The following MRPL1 variants were observed in gnomAD, a reference collection of about 807,000 sequenced individuals.
MRPL1 encodes mitochondrial ribosomal protein L1, also known as large ribosomal subunit protein uL1m.
A neutral mutation model predicts 38.0 loss-of-function variants in MRPL1; 28 were observed. The observed-to-expected ratio is 0.74, with a 90% CI of 0.55 to 1.01. The LOEUF (loss-of-function observed/expected upper bound fraction) is 1.01, where lower values mean the gene tolerates loss of function less well. Among genes scored for constraint, MRPL1 ranks in the 50% least tolerant of loss-of-function variants. MRPL1 has a pLI of 0.00. For missense variants in MRPL1, 358 were observed against 389.8 expected (o/e 0.92, Z 0.69); for synonymous variants, 123 against 126.7 (o/e 0.97, Z 0.20).
chr4:77,907,879 TTTC>T (rs1736195030), intron 6 of MRPL1, among the ~76,000 whole-genome samples: 1 of 148,990 alleles, frequency 6.7e-6, no homozygotes, highest in Non-Finnish European at 1.5e-5. Flanking sequence ...TGCCAGTTTC[TTTC>T]TTTTCTTTTC....
At chr4:77,937,962 C>CT (rs1737026737) in intron 7 of MRPL1, among the ~76,000 whole-genome samples, 1 of 152,106 alleles carries the variant, frequency 6.6e-6, no homozygotes, top group Admixed American at 6.6e-5. Context: ...AACCAGAAGT[C>CT]TATCAGGATC....
At chr4:77,866,272 G>A (rs1735140329) in intron 1 of MRPL1, among the ~76,000 whole-genome samples, 2 of 152,122 alleles carry the variant, frequency 1.3e-5, no homozygotes, top group South Asian at 4.1e-4. Context: ...GGTTGGTCTT[G>A]AACTCCTGAC....
At chr4:77,892,170 T>G (rs1735823466) in intron 5 of MRPL1, among the ~76,000 whole-genome samples, 1 of 151,912 alleles carries the variant, frequency 6.6e-6, no homozygotes, top group African/African-American at 2.4e-5. Context: ...TCGCTCTTGT[T>G]GCCCAGTGGG....
chr4:77,907,650 C>T (rs895822073), intron 6 of MRPL1, among the ~76,000 whole-genome samples: 1 of 151,332 alleles, frequency 6.6e-6, no homozygotes, highest in Non-Finnish European at 1.5e-5. Context: ...CTGCAACCTC[C>T]GCCTCCTGGG....
At position 77,887,081 on chromosome 4, in the gene MRPL1, A is replaced by G. The variant is rs1023187562; in HGVS notation, c.487-139A>G. The G allele has an allele frequency of 1.8e-5, 13 of 732,504 alleles. No homozygotes were observed. In the African/African-American group the frequency reaches 1.9e-4, roughly 11 times the overall value. 45.4% of individuals were successfully genotyped at this position (732,504 alleles called of 1,614,324 possible). ...TGGGATTACCAGTGAGAGCCACTGCATCCAGCCACATTTTCAATTAAAAAT... is the reference window on the plus strand; with the variant it reads ...TGGGATTACCAGTGAGAGCCACTGCGTCCAGCCACATTTTCAATTAAAAAT... On this transcript the variant is annotated intron_variant, in intron 4 of 8. Transcript: ENST00000315567.
intron 7 of MRPL1, 129 bp from the exon 8 acceptor site, chr4:77,949,668 T>A (rs1737362503): frequency 1.9e-6 from 1 of 531,498 alleles, no homozygotes; most frequent in Admixed American, 3.5e-5. Flanking sequence ...CTATAGAGGT[T>A]TTCCCCTTTC....
At chr4:77,867,746 CTTTTTTTTTTTT>C (rs71214374) in intron 1 of MRPL1, among the ~76,000 whole-genome samples, 10 of 92,036 alleles carry the variant, frequency 1.1e-4, no homozygotes, top group South Asian at 3.9e-4. Context: ...ATAGTTATTT[CTTTTTTTTTTTT>C]TTTTTTTTTT....
rs111739235 is a variant in MRPL1, at chr4:77,902,433, C to A, written c.671-6833C>A. ...GAGTTAGAAAAGAATGGGTTAAAAT[C>A]ATTGTTCTAAGATTTTTATCTTATA... On this transcript the variant is annotated intron_variant, in intron 6 of 8. Coordinates refer to ENST00000315567, the MANE Select transcript of MRPL1 (RefSeq NM_020236.4). Among the ~76,000 whole-genome samples the A allele has an allele frequency of 3.5e-5, 5 of 142,184 alleles. No homozygotes were observed. The East Asian group carries it at 6.1e-4, about 17-fold the overall frequency. The allele number at this position is 142,184 out of a possible 152,430, so 93.3% of individuals were successfully genotyped here.
At chr4:77,879,070 G>A (rs914690692) in intron 2 of MRPL1, among the ~76,000 whole-genome samples, 3 of 152,110 alleles carry the variant, frequency 2.0e-5, no homozygotes, top group African/African-American at 7.2e-5. Context: ...CCAGGTGTTT[G>A]TCCTCTACCT....
rs76830677 is a variant in MRPL1 at position 77,912,622 on chromosome 4, C to G, written c.777+3250C>G. 7.2e-3 allele frequency among the ~76,000 whole-genome samples: 1,103 copies of G among 152,188 alleles called. 9 individuals are homozygous for G. Among genetic ancestry groups the G allele is most frequent in the Non-Finnish European group, 0.011 (747 of 67,974 alleles). ...GTAGACTCAATATTGTTAAAAATAT[C>G]AATTTTCCCCAAGGTAATCTATAGA... is the stretch of plus-strand genomic sequence containing the variant. On this transcript the variant is annotated intron_variant, in intron 7 of 8. Transcript: ENST00000315567.
intron 7 of MRPL1, among the ~76,000 whole-genome samples, chr4:77,917,273 C>T (rs1345538122): frequency 1.3e-5 from 2 of 152,126 alleles, no homozygotes; most frequent in Non-Finnish European, 2.9e-5. Flanking sequence ...CTACCATCAC[C>T]TGCTCTGTTT....
chr4:77,939,015 C>T (rs1411323314), intron 7 of MRPL1, among the ~76,000 whole-genome samples: 1 of 152,144 alleles, frequency 6.6e-6, no homozygotes, highest in African/African-American at 2.4e-5. Context: ...GTACACTCAT[C>T]ACCCGAGCAG....
At chr4:77,918,763 TTTG>T (rs1434111845) in intron 7 of MRPL1, among the ~76,000 whole-genome samples, 1 of 152,206 alleles carries the variant, frequency 6.6e-6, no homozygotes, top group African/African-American at 2.4e-5. Flanking sequence ...CAAGAATTTT[TTTG>T]TTGTTGTTAT....
chr4:77,923,198 C>T lies in MRPL1; in HGVS notation c.777+13826C>T, dbSNP rs553996480. On this transcript the variant is annotated intron_variant, in intron 7 of 8. Coordinates refer to ENST00000315567, the MANE Select transcript of MRPL1 (RefSeq NM_020236.4). ...GCAACCTCTGCCTCCTGAGTTCAAG[C>T]GATTCTCCTGCCTCAGCCTCCTGGG... Among the ~76,000 whole-genome samples, 171 of 152,090 alleles carry T rather than the reference C, an allele frequency of 1.1e-3. 1 individual carries two copies. Among genetic ancestry groups the T allele is most frequent in the African/African-American group, 4.0e-3 (168 of 41,496 alleles).
chr4:77,903,298 A>G (rs891899787), intron 6 of MRPL1, among the ~76,000 whole-genome samples: 1 of 152,196 alleles, frequency 6.6e-6, no homozygotes, highest in African/African-American at 2.4e-5. Flanking sequence ...TTTTGGCAAT[A>G]ATAACTCTCA....
intron 1 of MRPL1, among the ~76,000 whole-genome samples, chr4:77,870,671 G>A (rs1735260856): frequency 6.6e-6 from 1 of 152,192 alleles, no homozygotes. Flanking sequence ...TGTATATAGT[G>A]TTTCTAAAAA....
chr4:77,918,141 G>A (rs1401724801), intron 7 of MRPL1, among the ~76,000 whole-genome samples: 1 of 152,064 alleles, frequency 6.6e-6, no homozygotes, highest in Non-Finnish European at 1.5e-5. Context: ...AGTAGCAATG[G>A]AACAAGTAGG....
At chr4:77,919,342 T>C (rs1197568465) in intron 7 of MRPL1, among the ~76,000 whole-genome samples, 1 of 152,174 alleles carries the variant, frequency 6.6e-6, no homozygotes, top group African/African-American at 2.4e-5. Context: ...ACTTACATTG[T>C]TGCTGGGTTT....
chr4:77,865,957 T>A (rs1337928457), intron 1 of MRPL1, among the ~76,000 whole-genome samples: 1 of 152,252 alleles, frequency 6.6e-6, no homozygotes, highest in African/African-American at 2.4e-5. Context: ...ATTCATTTTG[T>A]TAGCCACTAT....
Sources: gnomAD v4.1 joint callset for allele counts (sites outside exome capture counted in the v4.1 genomes callset) on GRCh38, gnomAD v4.1.1 for gene constraint, MANE v1.5 for transcripts, NCBI Gene and HGNC (gene_info 2026-07-23, HGNC 2026-07-21) for gene names.